The following GPC6 variants were observed in gnomAD, a reference collection of about 807,000 sequenced individuals.
GPC6 encodes the protein glypican-6.
GPC6 carries 14 observed loss-of-function variants against 55.2 expected under a neutral mutation model. The observed-to-expected ratio is 0.25, with a 90% confidence interval of 0.17 to 0.40. The LOEUF (loss-of-function observed/expected upper bound fraction) is 0.40. GPC6 is among the 10% of genes least tolerant of loss of function. The pLI is 1.00. For missense variants in GPC6, 641 were observed against 708.5 expected (o/e 0.90, Z 1.08); for synonymous variants, 278 against 259.6 (o/e 1.07, Z -0.68).
At position 94,138,470 on chromosome 13, in the gene GPC6, T is replaced by A. The variant is rs1477443071; in HGVS notation, c.877+110576T>A. On this transcript the variant is annotated intron_variant, in intron 4 of 8. Coordinates refer to ENST00000377047, the MANE Select transcript of GPC6 (RefSeq NM_005708.5). ...GCTTCATAAATTCCACCTCTTATCA[T>A]GTTCCAGGAAAGGCATAAACTTTGA... is the stretch of plus-strand genomic sequence containing the variant. Among the ~76,000 whole-genome samples the A allele has an allele frequency of 3.9e-5, 6 of 152,184 alleles. No homozygotes were observed. The East Asian group carries it at 1.2e-3, about 29-fold the overall frequency.
intron 2 of GPC6, among the ~76,000 whole-genome samples, chr13:93,790,539 A>C (rs1885997563): frequency 1.3e-5 from 2 of 152,158 alleles, no homozygotes; most frequent in African/African-American, 4.8e-5. Flanking sequence ...CTCTCTTTTG[A>C]GTTAGGAATA....
chr13:93,648,798 G>A (rs1309248275), intron 2 of GPC6, among the ~76,000 whole-genome samples: 1 of 152,062 alleles, frequency 6.6e-6, no homozygotes, highest in Non-Finnish European at 1.5e-5. Flanking sequence ...AGAGTCAGAA[G>A]GTACCTAAAA....
intron 4 of GPC6, among the ~76,000 whole-genome samples, chr13:94,182,106 G>C (rs182347109): frequency 6.6e-5 from 10 of 152,290 alleles, no homozygotes; most frequent in African/African-American, 2.2e-4. Context: ...TATATGCCTT[G>C]GTTGTGTGGT....
At chr13:93,741,048 T>G (rs745690490) in intron 2 of GPC6, among the ~76,000 whole-genome samples, 31 of 151,088 alleles carry the variant, frequency 2.1e-4, no homozygotes, top group Non-Finnish European at 4.4e-4. Flanking sequence ...ATAATGTACC[T>G]AATATATCAC....
chr13:93,539,848 C>G (rs1882217409), intron 1 of GPC6, among the ~76,000 whole-genome samples: 1 of 152,010 alleles, frequency 6.6e-6, no homozygotes. Context: ...TGCGCCACCA[C>G]TCCCGGCTAA....
chr13:93,760,520 A>C (rs2138876117), intron 2 of GPC6, among the ~76,000 whole-genome samples: 1 of 152,242 alleles, frequency 6.6e-6, no homozygotes, highest in Admixed American at 6.5e-5. Flanking sequence ...GGGCATCCAG[A>C]GCATGGCCTG....
intron 2 of GPC6, among the ~76,000 whole-genome samples, chr13:93,573,565 C>T (rs1353888946): frequency 6.6e-6 from 1 of 151,778 alleles, no homozygotes; most frequent in East Asian, 1.9e-4. Context: ...ACAGTAACAA[C>T]AAAAACAAAA....
chr13:93,638,074 G>T (rs1315528702), intron 2 of GPC6, among the ~76,000 whole-genome samples: 1 of 152,130 alleles, frequency 6.6e-6, no homozygotes, highest in African/African-American at 2.4e-5. Context: ...AAGTCAACAT[G>T]TAACCTTCAT....
chr13:94,179,611 T>C (rs1888912516), intron 4 of GPC6, among the ~76,000 whole-genome samples: 1 of 152,216 alleles, frequency 6.6e-6, no homozygotes, highest in African/African-American at 2.4e-5. Flanking sequence ...CTCTAATTCC[T>C]ACCTATTCAT....
chr13:93,430,902 A>G (rs1383682815), intron 1 of GPC6, among the ~76,000 whole-genome samples: 6 of 152,174 alleles, frequency 3.9e-5, no homozygotes, highest in African/African-American at 9.6e-5. Context: ...AAGTTTTAAA[A>G]TTCAGCTGAT....
At chr13:93,587,560 C>G (rs1300345944) in intron 2 of GPC6, among the ~76,000 whole-genome samples, 3 of 152,174 alleles carry the variant, frequency 2.0e-5, no homozygotes, top group Non-Finnish European at 4.4e-5. Context: ...TGTCACAGAC[C>G]TGTCCTGCAC....
intron 3 of GPC6, among the ~76,000 whole-genome samples, chr13:93,877,051 G>A (rs1485749170): frequency 2.0e-5 from 3 of 152,036 alleles, no homozygotes; most frequent in Non-Finnish European, 4.4e-5. Context: ...CAAATTGTAG[G>A]AATGGGTATA....
chr13:93,509,484 G>T (rs1322722255), intron 1 of GPC6, among the ~76,000 whole-genome samples: 1 of 152,194 alleles, frequency 6.6e-6, no homozygotes, highest in Non-Finnish European at 1.5e-5. Context: ...CAGGGTCTGA[G>T]AACAAGCCTT....
chr13:93,642,405 T>G (rs1879990591), intron 2 of GPC6, among the ~76,000 whole-genome samples: 1 of 152,048 alleles, frequency 6.6e-6, no homozygotes. Flanking sequence ...GATGAGCACT[T>G]CAGTTAATCC....
intron 4 of GPC6, among the ~76,000 whole-genome samples, chr13:94,073,053 G>A (rs1884792290): frequency 6.6e-6 from 1 of 152,142 alleles, no homozygotes; most frequent in Non-Finnish European, 1.5e-5. Flanking sequence ...ATGTTAGAGA[G>A]AGGCAGAGAG....
At chr13:94,034,230 A>AAGGC (rs1183799675) in intron 4 of GPC6, among the ~76,000 whole-genome samples, 6 of 150,762 alleles carry the variant, frequency 4.0e-5, no homozygotes, top group Non-Finnish European at 7.4e-5. Context: ...GGAAGGAAGG[A>AAGGC]AGGAAGGAAG....
intron 3 of GPC6, among the ~76,000 whole-genome samples, chr13:93,981,232 G>A (rs1289188004): frequency 6.6e-6 from 1 of 152,058 alleles, no homozygotes; most frequent in African/African-American, 2.4e-5. Context: ...TTCTGAGTTT[G>A]TGTTAATTGC....
At chr13:93,402,980 T>C (rs1031750875) in intron 1 of GPC6, among the ~76,000 whole-genome samples, 1 of 151,720 alleles carries the variant, frequency 6.6e-6, no homozygotes, top group Non-Finnish European at 1.5e-5. Context: ...GATAGTACTT[T>C]TAATTAGGAA....
intron 1 of GPC6, among the ~76,000 whole-genome samples, chr13:93,280,172 G>A (rs553669753): frequency 6.6e-6 from 1 of 152,138 alleles, no homozygotes; most frequent in Non-Finnish European, 1.5e-5. Flanking sequence ...TCACATGTGG[G>A]GGGGGCCAGA....
Sources: allele counts gnomAD v4.1 joint callset (sites outside exome capture counted in the v4.1 genomes callset), GRCh38; gene constraint gnomAD v4.1.1; transcripts MANE v1.5; gene names NCBI Gene and HGNC (gene_info 2026-07-23, HGNC 2026-07-21).